ZNF385D: variants seen among roughly 807,000 people sequenced by gnomAD.
The protein encoded by ZNF385D is zinc finger protein 385D, also known as zinc finger protein 659.
In ZNF385D, 15 loss-of-function variants were observed where a neutral mutation model predicts 35.8. The ratio of observed to expected loss-of-function variants is 0.42; its 90% CI spans 0.28 to 0.64. ZNF385D has a LOEUF of 0.64. Ranked by LOEUF, ZNF385D falls within the 30% of genes least tolerant of loss-of-function variation. The pLI is 0.23. For missense variants in ZNF385D, 474 were observed against 494.6 expected (o/e 0.96, Z 0.39); for synonymous variants, 212 against 186.8 (o/e 1.13, Z -1.10).
At chr3:21,884,982 C>T (rs1377152549) in intron 3 of ZNF385D, among the ~76,000 whole-genome samples, 2 of 151,978 alleles carry the variant, frequency 1.3e-5, no homozygotes, top group East Asian at 3.9e-4. Flanking sequence ...TCTGTGGCTA[C>T]TTTTGAGCAA....
chr3:22,002,794 TAAAG>T (rs1356850788), intron 3 of ZNF385D, among the ~76,000 whole-genome samples: 5 of 152,034 alleles, frequency 3.3e-5, no homozygotes, highest in Non-Finnish European at 4.4e-5. Context: ...CATACACAAA[TAAAG>T]AAACATGATA....
At chr3:21,853,721 G>A (rs1696546865) in intron 3 of ZNF385D, among the ~76,000 whole-genome samples, 1 of 151,706 alleles carries the variant, frequency 6.6e-6, no homozygotes, top group African/African-American at 2.4e-5. Flanking sequence ...TCATCACGAT[G>A]AGTGAATTTC....
intron 3 of ZNF385D, among the ~76,000 whole-genome samples, chr3:21,525,184 C>A (rs1708148746): frequency 6.6e-6 from 1 of 152,122 alleles, no homozygotes; most frequent in South Asian, 2.1e-4. Context: ...CAAAAAGCTG[C>A]AACTCAGTGA....
intron 3 of ZNF385D, among the ~76,000 whole-genome samples, chr3:21,902,311 T>A (rs1699453221): frequency 6.6e-6 from 1 of 152,172 alleles, no homozygotes; most frequent in Non-Finnish European, 1.5e-5. Context: ...GAGACAAGTA[T>A]GACTTGTGTT....
chr3:21,766,346 A>T (rs1031473526), intron 3 of ZNF385D, among the ~76,000 whole-genome samples: 1 of 152,274 alleles, frequency 6.6e-6, no homozygotes, highest in Middle Eastern at 3.4e-3. Context: ...TACTTTTGAC[A>T]CATACCACAA....
intron 2 of ZNF385D, among the ~76,000 whole-genome samples, chr3:21,577,579 C>CT (rs2063529890): frequency 6.6e-6 from 1 of 152,062 alleles, no homozygotes; most frequent in Non-Finnish European, 1.5e-5. Flanking sequence ...TTGGAGGAAC[C>CT]TACGTGCTGT....
chr3:22,128,607 C>A (rs1451328355), intron 3 of ZNF385D, among the ~76,000 whole-genome samples: 3 of 152,198 alleles, frequency 2.0e-5, no homozygotes, highest in African/African-American at 7.2e-5. Flanking sequence ...AATAGTCTAT[C>A]TTCAAACTCA....
intron 3 of ZNF385D, among the ~76,000 whole-genome samples, chr3:22,156,932 C>G (rs1314046949): frequency 6.6e-6 from 1 of 152,126 alleles, no homozygotes; most frequent in African/African-American, 2.4e-5. Flanking sequence ...GATAATCTAT[C>G]ATTTTACAAG....
At chr3:22,266,685 T>C (rs990267901) in intron 2 of ZNF385D, among the ~76,000 whole-genome samples, 1 of 151,946 alleles carries the variant, frequency 6.6e-6, no homozygotes, top group Non-Finnish European at 1.5e-5. Context: ...ACAAAGGTAT[T>C]CTTTTCACAG....
chr3:21,933,558 T>C (rs539300567), intron 3 of ZNF385D, among the ~76,000 whole-genome samples: 2 of 152,326 alleles, frequency 1.3e-5, no homozygotes, highest in African/African-American at 4.8e-5. Context: ...TTGTACTATA[T>C]GGGCCTAACA....
At chr3:22,148,778 G>A (rs7650689) in intron 3 of ZNF385D, among the ~76,000 whole-genome samples, 1 of 152,082 alleles carries the variant, frequency 6.6e-6, no homozygotes, top group Non-Finnish European at 1.5e-5. Context: ...GTAATTAATG[G>A]AAAATGACCT....
chr3:22,264,614 G>A (rs147078194), intron 2 of ZNF385D, among the ~76,000 whole-genome samples: 353 of 151,952 alleles, frequency 2.3e-3, no homozygotes, highest in Middle Eastern at 6.8e-3. Flanking sequence ...AACCATATGC[G>A]GTGAAATATT....
At chr3:22,105,991 A>C (rs974841614) in intron 3 of ZNF385D, among the ~76,000 whole-genome samples, 1 of 152,284 alleles carries the variant, frequency 6.6e-6, no homozygotes, top group African/African-American at 2.4e-5. Context: ...ATATTACTTT[A>C]ATCATAAATA....
intron 3 of ZNF385D, among the ~76,000 whole-genome samples, chr3:21,854,140 G>A (rs1696572244): frequency 6.6e-6 from 1 of 151,834 alleles, no homozygotes; most frequent in Non-Finnish European, 1.5e-5. Context: ...ATATTACTTA[G>A]CATGCACAAA....
chr3:21,568,056 T>TAA (rs143459140), intron 2 of ZNF385D, among the ~76,000 whole-genome samples: 2 of 151,448 alleles, frequency 1.3e-5, no homozygotes, highest in African/African-American at 2.4e-5. Context: ...CCAGAATAGT[T>TAA]AAAAAAAAAC....
At chr3:21,776,678 T>C (rs185153171) in intron 3 of ZNF385D, among the ~76,000 whole-genome samples, 198 of 152,082 alleles carry the variant, frequency 1.3e-3, no homozygotes, top group Non-Finnish European at 2.4e-3. Flanking sequence ...TCTGGAAATA[T>C]AATGTCTAAG....
In ZNF385D at chr3:21,590,572, T is replaced by A. The variant is rs143640523; in HGVS notation, c.166-25888A>T. Among the ~76,000 whole-genome samples, 243 of 152,300 alleles carry A rather than the reference T, an allele frequency of 1.6e-3. 1 individual carries two copies. The highest frequency in any genetic ancestry group is 2.7e-3 in the South Asian group (13 of 4,830). ...ACCATAAAAAATGAATTACATTGTTTTTATCTGTTGAATTTTCATCCCGAA... is the reference window on the plus strand; with the variant it reads ...ACCATAAAAAATGAATTACATTGTTATTATCTGTTGAATTTTCATCCCGAA... On this transcript the variant is annotated intron_variant, in intron 2 of 7. Transcript: ENST00000281523.
chr3:22,192,638 T>C (rs773753210), intron 2 of ZNF385D, among the ~76,000 whole-genome samples: 40 of 152,182 alleles, frequency 2.6e-4, no homozygotes, highest in African/African-American at 3.4e-4. Flanking sequence ...CAAGAGATTA[T>C]TGATGTCATG....
intron 3 of ZNF385D, among the ~76,000 whole-genome samples, chr3:21,904,452 C>T (rs1396719466): frequency 3.3e-5 from 5 of 151,978 alleles, no homozygotes; most frequent in Admixed American, 6.6e-5. Flanking sequence ...TAAAAAACTA[C>T]TATGCAGGCT....
Sources: gnomAD v4.1 joint callset for allele counts (sites outside exome capture counted in the v4.1 genomes callset) on GRCh38, gnomAD v4.1.1 for gene constraint, MANE v1.5 for transcripts, NCBI Gene and HGNC (gene_info 2026-07-23, HGNC 2026-07-21) for gene names.